ODAD4: variants seen among roughly 807,000 people sequenced by gnomAD.
ODAD4 encodes outer dynein arm-docking complex subunit 4.
In ODAD4, 49 loss-of-function variants were observed where a neutral mutation model predicts 51.8. The ratio of observed to expected loss-of-function variants is 0.95; its 90% CI spans 0.75 to 1.20. The LOEUF (loss-of-function observed/expected upper bound fraction) is 1.20, where lower values mean the gene tolerates loss of function less well. ODAD4 is among the 50% of genes most tolerant of loss of function. ODAD4 has a pLI of 0.00. For synonymous variants in ODAD4, 235 were observed against 221.3 expected, an observed-to-expected ratio of 1.06 and a Z score of -0.55; for missense variants, 590 against 586.5, an observed-to-expected ratio of 1.01 and a Z score of -0.06.
rs1567933116 is a variant in ODAD4, at chr17:41,944,437, CACA to C, written c.1059-698_1059-696del. Reference sequence around the variant, plus strand: ...ACACACACACACACACACACACACACACACACACCCCCCCGCATACACAGAAAT... The same window carrying C: ...ACACACACACACACACACACACACACCACACCCCCCCGCATACACAGAAAT... On this transcript the variant is annotated intron_variant, in intron 7 of 11. Coordinates refer to ENST00000377540, the MANE Select transcript of ODAD4 (RefSeq NM_031421.5). Among the ~76,000 whole-genome samples the C allele has an allele frequency of 9.5e-3, 39 of 4,090 alleles. 1 individual carries two copies. Among genetic ancestry groups the C allele is most frequent in the East Asian group, 0.04 (2 of 50 alleles). 2.7% of individuals were successfully genotyped at this position (4,090 alleles called of 152,430 possible). A position where few individuals can be genotyped will look rare whatever the true frequency, so the allele number is the denominator to read the frequency against.
At chr17:41,941,588 C>A (rs1168667786) in intron 7 of ODAD4, among the ~76,000 whole-genome samples, 4 of 151,930 alleles carry the variant, frequency 2.6e-5, no homozygotes, top group Non-Finnish European at 5.9e-5. Context: ...ACGGTGAAAC[C>A]CCATCTCTAC....
At chr17:41,932,546 G>T (rs918381621) in intron 1 of ODAD4, among the ~76,000 whole-genome samples, 49 of 150,956 alleles carry the variant, frequency 3.2e-4, no homozygotes, top group African/African-American at 6.1e-4. Flanking sequence ...TTTTTTTTTT[G>T]TTTGTTTGTT....
At position 41,936,512 on chromosome 17, in the gene ODAD4, C is replaced by G; in HGVS notation, c.437C>G (p.Ser146Cys). The part of the protein sequence containing the change: ...SIKLENKGDL[S>C]FLSKQAENIK... ...AAGCTGGAGAACAAAGGGGACCTCT[C>G]CTTCTTAAGCAAGCAGGCTGAGGTA... The change falls in exon 4 of 12, where the codon TCC (serine) becomes TGC (cysteine). Residue 146 changes from serine (S) to cysteine (C), a missense_variant. Transcript: ENST00000377540. 2 of 1,613,208 alleles carry G rather than the reference C, an allele frequency of 1.2e-6. No homozygotes were observed. Among genetic ancestry groups the G allele is most frequent in the Non-Finnish European group, 1.7e-6 (2 of 1,179,674 alleles).
chr17:41,941,745 C>A (rs1368701223), intron 7 of ODAD4, among the ~76,000 whole-genome samples: 4 of 139,306 alleles, frequency 2.9e-5, no homozygotes, highest in African/African-American at 1.1e-4. Context: ...AGTGACTGGG[C>A]GACAGAGCGA....
chr17:41,937,615 C>T (rs551073344), intron 5 of ODAD4, among the ~76,000 whole-genome samples: 18 of 152,308 alleles, frequency 1.2e-4, no homozygotes, highest in East Asian at 1.9e-4. Flanking sequence ...GGACTATAGG[C>T]GCCCACAACC....
chr17:41,945,589 T>C (rs1461799906), intron 8 of ODAD4, among the ~76,000 whole-genome samples: 1 of 152,078 alleles, frequency 6.6e-6, no homozygotes, highest in Non-Finnish European at 1.5e-5. Flanking sequence ...AGAATTTGAA[T>C]GAGGAATGGG....
intron 1 of ODAD4, among the ~76,000 whole-genome samples, chr17:41,931,192 C>G (rs182830193): frequency 6.6e-6 from 1 of 151,960 alleles, no homozygotes; most frequent in Admixed American, 6.6e-5. Context: ...ACTGCGCCTG[C>G]CCCCTGCCCT....
intron 9 of ODAD4, among the ~76,000 whole-genome samples, chr17:41,951,857 C>T (rs62076889): frequency 0.21 from 25,825 of 125,616 alleles, 3,113 homozygotes; most frequent in Admixed American, 0.37. Flanking sequence ...GTGCTCCAGT[C>T]TGGGTGAAAG....
Position 41,935,765 on chromosome 17 carries a change from G to A in ODAD4, c.397+16G>A. 2 of 1,613,570 alleles carry A rather than the reference G, an allele frequency of 1.2e-6. No individual in the cohort carries two copies. The highest frequency in any genetic ancestry group is 2.2e-5 in the East Asian group (1 of 44,880). ...TCAGTGGGAAGTGAGTGACCACAGG[G>A]CCTATGCCCTTATCCAGGAAGGTCC... is the stretch of plus-strand genomic sequence containing the variant. On this transcript the variant is annotated intron_variant, in intron 3 of 11. Transcript: ENST00000377540.
At chr17:41,935,567 G>C (rs782025850) in intron 2 of ODAD4, 32 bp from the exon 3 acceptor site, 2 of 1,597,996 alleles carry the variant, frequency 1.3e-6, no homozygotes, top group Admixed American at 1.7e-5. Context: ...GGCCTTATCT[G>C]TTCACATTGA....
intron 3 of ODAD4, 30 bp from the exon 4 acceptor site, chr17:41,936,443 C>CTTCTATA: frequency 6.3e-7 from 1 of 1,581,408 alleles, no homozygotes; most frequent in Non-Finnish European, 8.7e-7. Context: ...GGGGTCTGGC[C>CTTCTATA]GACCTGAGCT....
At chr17:41,955,954 G>C (rs956592996) in intron 10 of ODAD4, among the ~76,000 whole-genome samples, 1 of 151,368 alleles carries the variant, frequency 6.6e-6, no homozygotes, top group Non-Finnish European at 1.5e-5. Context: ...TTGTAGAGAT[G>C]AGGTCTCACT....
chr17:41,941,275 A>G (rs2050501141), intron 7 of ODAD4, among the ~76,000 whole-genome samples: 1 of 152,216 alleles, frequency 6.6e-6, no homozygotes, highest in African/African-American at 2.4e-5. Context: ...CCTGCTCAAC[A>G]CAGGTTGCCC....
At chr17:41,956,309 A>G (rs2050732300) in intron 10 of ODAD4, among the ~76,000 whole-genome samples, 1 of 151,810 alleles carries the variant, frequency 6.6e-6, no homozygotes, top group African/African-American at 2.4e-5. Context: ...TCGGCCTCCC[A>G]AAGTGCTGGG....
intron 11 of ODAD4, among the ~76,000 whole-genome samples, chr17:41,961,784 C>T (rs550573847): frequency 6.6e-6 from 1 of 152,330 alleles, no homozygotes; most frequent in African/African-American, 2.4e-5. Flanking sequence ...CCCATCCCTG[C>T]CCTGGAGGAG....
chr17:41,934,038 C>CTTTTTTTTTTTTTTTTT (rs782039270), intron 1 of ODAD4, among the ~76,000 whole-genome samples: 48 of 65,518 alleles, frequency 7.3e-4, no homozygotes, highest in Admixed American at 1.3e-3. Context: ...TTCTTTCTTT[C>CTTTTTTTTTTTTTTTTT]TTTTTTTTTT....
chr17:41,947,763 C>G (rs1367324960), intron 8 of ODAD4, among the ~76,000 whole-genome samples: 3 of 151,550 alleles, frequency 2.0e-5, no homozygotes, highest in African/African-American at 7.3e-5. Context: ...CCACTGCACT[C>G]TAGCCTGGGC....
Position 41,965,481 on chromosome 17 carries a change from T to C in ODAD4, c.2017T>C (p.Ter673ArgextTer4), listed in dbSNP as rs1555642554. 5 of 766,400 alleles carry C rather than the reference T, an allele frequency of 6.5e-6. No individual in the cohort carries two copies. The highest frequency in any genetic ancestry group is 1.7e-5 in the African/African-American group (1 of 58,054). 47.5% of individuals were successfully genotyped at this position (766,400 alleles called of 1,614,324 possible). ...AAATGAGATGGAAAAGGAATATGAATGAAGCCATCGGTAGAGATGAGGATC... is the reference window on the plus strand; with the variant it reads ...AAATGAGATGGAAAAGGAATATGAACGAAGCCATCGGTAGAGATGAGGATC... ...TGNEMEKEYE[*>R] The change falls in exon 12 of 12, where the codon TGA (stop) becomes CGA (arginine). Residue 673 changes from the stop codon to arginine (R), a stop_lost. Transcript: ENST00000377540.
At chr17:41,950,079 C>T (rs1259749619) in intron 9 of ODAD4, among the ~76,000 whole-genome samples, 12 of 150,328 alleles carry the variant, frequency 8.0e-5, no homozygotes, top group African/African-American at 1.2e-4. Flanking sequence ...AAGCGATTCT[C>T]CTGCTTCAGC....
Sources: gnomAD v4.1 joint callset for allele counts (sites outside exome capture counted in the v4.1 genomes callset) on GRCh38, gnomAD v4.1.1 for gene constraint, MANE v1.5 for transcripts, NCBI Gene and HGNC (gene_info 2026-07-23, HGNC 2026-07-21) for gene names.